RTN4RL1: variants seen among roughly 807,000 people sequenced by gnomAD.
The protein encoded by RTN4RL1 is reticulon-4 receptor-like 1.
RTN4RL1 carries 7 observed loss-of-function variants against 25.6 expected under a neutral mutation model. The ratio of observed to expected loss-of-function variants is 0.27; its 90% CI spans 0.16 to 0.51. RTN4RL1 has a LOEUF of 0.51. Among genes scored for constraint, RTN4RL1 ranks in the 20% least tolerant of loss-of-function variants. The probability of loss-of-function intolerance (pLI) is 0.97; values close to 1 mark genes in which losing one functional copy is unlikely to be tolerated. For synonymous variants in RTN4RL1, 297 were observed against 288.2 expected, an observed-to-expected ratio of 1.03 and a Z score of -0.31; for missense variants, 500 against 615.6, an observed-to-expected ratio of 0.81 and a Z score of 1.99.
intron 1 of RTN4RL1, among the ~76,000 whole-genome samples, chr17:1,962,312 G>C (rs2066768377): frequency 6.6e-6 from 1 of 151,202 alleles, no homozygotes; most frequent in Admixed American, 6.6e-5. Context: ...AAAAAGAAAA[G>C]AAGTAAGAAA....
At chr17:1,946,874 C>CTG (rs10655112) in intron 1 of RTN4RL1, among the ~76,000 whole-genome samples, 2,100 of 143,210 alleles carry the variant, frequency 0.015, 66 homozygotes, top group African/African-American at 0.052. Context: ...GCACGTGTGT[C>CTG]TGTGTCTCTG....
intron 1 of RTN4RL1, among the ~76,000 whole-genome samples, chr17:2,013,437 T>A (rs886682569): frequency 1.3e-5 from 2 of 152,216 alleles, no homozygotes; most frequent in African/African-American, 4.8e-5. Context: ...GCCTCAGGGC[T>A]TTCTCTAGCA....
chr17:2,018,601 A>G (rs532567241), intron 1 of RTN4RL1, among the ~76,000 whole-genome samples: 1 of 152,318 alleles, frequency 6.6e-6, no homozygotes, highest in South Asian at 2.1e-4. Flanking sequence ...TGGGCACGTG[A>G]GACAGTGGAG....
At position 1,940,119 on chromosome 17, in the gene RTN4RL1, A is replaced by C. The variant is rs180826982; in HGVS notation, c.14-2311T>G. 7.0e-3 allele frequency among the ~76,000 whole-genome samples: 1,068 copies of C among 152,314 alleles called. 14 individuals are homozygous for C. Among genetic ancestry groups the C allele is most frequent in the African/African-American group, 0.025 (1,027 of 41,566 alleles). The stretch of plus-strand genomic sequence containing the variant: ...GTTCCTGGCAGAAACAGCCTCGTAA[A>C]TAAGTGACAGCTCCCAGCTGTTGGG... On this transcript the variant is annotated intron_variant, in intron 1 of 1. Coordinates refer to ENST00000331238, the MANE Select transcript of RTN4RL1 (RefSeq NM_178568.4).
intron 1 of RTN4RL1, among the ~76,000 whole-genome samples, chr17:1,993,431 T>C (rs1475539236): frequency 6.6e-6 from 1 of 152,218 alleles, no homozygotes; most frequent in South Asian, 2.1e-4. Flanking sequence ...TTAACTTCCT[T>C]GAGCCTTAGT....
At chr17:1,979,143 C>T (rs1011901066) in intron 1 of RTN4RL1, among the ~76,000 whole-genome samples, 5 of 152,178 alleles carry the variant, frequency 3.3e-5, no homozygotes, top group South Asian at 2.1e-4. Flanking sequence ...CGTGGTGGCA[C>T]GCACCTGTAA....
At chr17:1,942,740 G>C (rs1915465466) in intron 1 of RTN4RL1, among the ~76,000 whole-genome samples, 1 of 152,084 alleles carries the variant, frequency 6.6e-6, no homozygotes, top group South Asian at 2.1e-4. Context: ...CGGGTGGCCT[G>C]AGCACGGGAA....
chr17:1,956,390 G>A (rs989439303), intron 1 of RTN4RL1, among the ~76,000 whole-genome samples: 2 of 151,442 alleles, frequency 1.3e-5, no homozygotes, highest in Non-Finnish European at 2.9e-5. Flanking sequence ...ATCAGTGGGG[G>A]TGTGAAGTCT....
chr17:2,022,883 G>A (rs915531834), intron 1 of RTN4RL1, among the ~76,000 whole-genome samples: 7 of 152,214 alleles, frequency 4.6e-5, no homozygotes, highest in African/African-American at 1.7e-4. Context: ...GCCTCCGGTG[G>A]CCGCCTCTTG....
At chr17:1,962,736 G>A (rs1354197765) in intron 1 of RTN4RL1, among the ~76,000 whole-genome samples, 1 of 151,572 alleles carries the variant, frequency 6.6e-6, no homozygotes, top group Non-Finnish European at 1.5e-5. Context: ...AGGATGGTGT[G>A]CCTGTAACCC....
chr17:1,976,730 C>T (rs1009899799), intron 1 of RTN4RL1, among the ~76,000 whole-genome samples: 1 of 152,226 alleles, frequency 6.6e-6, no homozygotes, highest in Non-Finnish European at 1.5e-5. Context: ...CCACCCAGCT[C>T]ACGGGGCAGG....
intron 1 of RTN4RL1, among the ~76,000 whole-genome samples, chr17:1,978,894 G>A (rs1366893946): frequency 6.6e-6 from 1 of 152,232 alleles, no homozygotes; most frequent in Non-Finnish European, 1.5e-5. Context: ...GAGAAGGGTG[G>A]AGGGCCACCT....
chr17:1,960,852 T>TTTGGGGGACCATCTCC (rs1385451506), intron 1 of RTN4RL1, among the ~76,000 whole-genome samples: 22 of 152,148 alleles, frequency 1.4e-4, no homozygotes, highest in African/African-American at 5.3e-4. Flanking sequence ...GGGCCCTCTC[T>TTTGGGGGACCATCTCC]GCCCCAGGCC....
At chr17:1,968,170 G>A (rs1029025843) in intron 1 of RTN4RL1, among the ~76,000 whole-genome samples, 4 of 152,062 alleles carry the variant, frequency 2.6e-5, no homozygotes, top group Non-Finnish European at 2.9e-5. Flanking sequence ...GCACTCTGCC[G>A]ACTCCAATTC....
intron 1 of RTN4RL1, chr17:2,019,633 G>C (rs1266085582): frequency 6.6e-6 from 1 of 152,290 alleles, no homozygotes; most frequent in Non-Finnish European, 1.5e-5. Flanking sequence ...TCCTGGCATG[G>C]ACAGCGTGTC....
At chr17:1,974,538 TG>T (rs1777337040) in intron 1 of RTN4RL1, among the ~76,000 whole-genome samples, 1 of 152,050 alleles carries the variant, frequency 6.6e-6, no homozygotes, top group Admixed American at 6.6e-5. Context: ...AAGGTGTGGG[TG>T]GGGCCTAGGG....
intron 1 of RTN4RL1, among the ~76,000 whole-genome samples, chr17:1,960,335 T>C (rs985871383): frequency 1.3e-5 from 2 of 152,128 alleles, no homozygotes; most frequent in African/African-American, 4.8e-5. Context: ...CAGTAAGTGC[T>C]ATCATGTTAC....
At chr17:1,966,178 C>G (rs2066790397) in intron 1 of RTN4RL1, among the ~76,000 whole-genome samples, 1 of 152,206 alleles carries the variant, frequency 6.6e-6, no homozygotes, top group South Asian at 2.1e-4. Context: ...TACATTCCAA[C>G]TCGACGTGGT....
rs1241785786 is a variant in RTN4RL1, at chr17:1,936,378, A to G, written c.*118T>C. The G allele has an allele frequency of 2.8e-6, 4 of 1,445,706 alleles. No homozygotes were observed. Among genetic ancestry groups the G allele is most frequent in the Non-Finnish European group, 3.6e-6 (4 of 1,105,510 alleles). The allele number at this position is 1,445,706 out of a possible 1,614,324, so 89.6% of individuals were successfully genotyped here. On this transcript the variant is annotated 3_prime_UTR_variant, in exon 2 of 2. Coordinates refer to ENST00000331238, the MANE Select transcript of RTN4RL1 (RefSeq NM_178568.4). ...GTCCAGACGTCCAGACAGCAGCCGA[A>G]GGCTCTACCAGCCTTTTCCTGAAAC... is the stretch of plus-strand genomic sequence containing the variant.
Sources: gnomAD v4.1 joint callset for allele counts (sites outside exome capture counted in the v4.1 genomes callset) on GRCh38, gnomAD v4.1.1 for gene constraint, MANE v1.5 for transcripts, NCBI Gene and HGNC (gene_info 2026-07-23, HGNC 2026-07-21) for gene names.